The following MAGI3 variants were observed in gnomAD, a reference collection of about 807,000 sequenced individuals.
MAGI3 encodes membrane associated guanylate kinase, WW and PDZ domain containing 3.
Under a neutral mutation model 121.8 loss-of-function variants are expected in MAGI3, and 43 were observed. That is an observed-to-expected ratio of 0.35 (90% confidence interval 0.28 to 0.46). The LOEUF is 0.46. Among genes scored for constraint, MAGI3 ranks in the 20% least tolerant of loss-of-function variants. The pLI is 1.00. For missense variants in MAGI3, 1,547 were observed against 1,797.3 expected, an observed-to-expected ratio of 0.86 and a Z score of 2.52; for synonymous variants, 553 against 639.3, an observed-to-expected ratio of 0.86 and a Z score of 2.04.
At chr1:113,426,582 C>G (rs1216982408) in intron 1 of MAGI3, among the ~76,000 whole-genome samples, 1 of 152,150 alleles carries the variant, frequency 6.6e-6, no homozygotes, top group Admixed American at 6.5e-5. Flanking sequence ...TTATTTGGTA[C>G]ATGCACATTT....
intron 19 of MAGI3, among the ~76,000 whole-genome samples, chr1:113,679,869 C>T (rs914669555): frequency 1.3e-5 from 2 of 152,072 alleles, no homozygotes; most frequent in Non-Finnish European, 2.9e-5. Context: ...CCACACCTGG[C>T]CAATTTTGTA....
chr1:113,560,415 A>G (rs946877379), intron 2 of MAGI3, among the ~76,000 whole-genome samples: 2 of 132,684 alleles, frequency 1.5e-5, no homozygotes, highest in Non-Finnish European at 3.4e-5. Flanking sequence ...AAAAAAAACC[A>G]AAAAAACAAT....
chr1:113,448,607 T>C (rs1654299850), intron 1 of MAGI3, among the ~76,000 whole-genome samples: 1 of 152,222 alleles, frequency 6.6e-6, no homozygotes, highest in Non-Finnish European at 1.5e-5. Context: ...GATTTCTTCC[T>C]GTAGGTAACC....
intron 1 of MAGI3, among the ~76,000 whole-genome samples, chr1:113,416,160 A>ATTATTATGTAATTAATGACACATG: frequency 9.6e-6 from 1 of 104,492 alleles, no homozygotes; most frequent in African/African-American, 3.1e-5. Context: ...AATGACACAT[A>ATTATTATGTAATTAATGACACATG]TTATTATGTA....
At chr1:113,610,220 G>A (rs946781283) in intron 6 of MAGI3, among the ~76,000 whole-genome samples, 1 of 151,886 alleles carries the variant, frequency 6.6e-6, no homozygotes, top group Non-Finnish European at 1.5e-5. Context: ...TGCAAGCTCC[G>A]CCTCCTGGGT....
intron 6 of MAGI3, among the ~76,000 whole-genome samples, chr1:113,600,995 G>T: frequency 6.6e-6 from 1 of 152,152 alleles, no homozygotes; most frequent in Non-Finnish European, 1.5e-5. Flanking sequence ...AATAAATGGT[G>T]CTGGGAAAAC....
chr1:113,594,583 T>C (rs1648883765), intron 6 of MAGI3, 23 bp downstream of exon 6: 1 of 1,570,974 alleles, frequency 6.4e-7, no homozygotes. Context: ...AAACTTACTC[T>C]ATCATACTTA....
intron 1 of MAGI3, among the ~76,000 whole-genome samples, chr1:113,510,191 C>T (rs964153020): frequency 2.6e-5 from 4 of 152,036 alleles, no homozygotes; most frequent in African/African-American, 9.7e-5. Flanking sequence ...AAAAATCAAA[C>T]ATTTGTAAAC....
intron 1 of MAGI3, among the ~76,000 whole-genome samples, chr1:113,405,419 G>T (rs756499609): frequency 2.9e-5 from 4 of 136,304 alleles, no homozygotes; most frequent in Non-Finnish European, 6.1e-5. Context: ...GGTCGAGGCT[G>T]CAGTGAGCCA....
At chr1:113,654,151 T>G (rs1208344974) in intron 15 of MAGI3, 133 bp downstream of exon 15, 1 of 668,916 alleles carries the variant, frequency 1.5e-6, no homozygotes, top group Non-Finnish European at 2.4e-6. Flanking sequence ...TGGTGAATAC[T>G]TTCCTTATTT....
intron 6 of MAGI3, among the ~76,000 whole-genome samples, chr1:113,596,140 A>T (rs1371646565): frequency 1.3e-5 from 2 of 152,316 alleles, no homozygotes; most frequent in African/African-American, 4.8e-5. Context: ...ATAGGGTACC[A>T]GATCTGAAGA....
At chr1:113,472,892 A>C (rs1057444158) in intron 1 of MAGI3, among the ~76,000 whole-genome samples, 1 of 152,218 alleles carries the variant, frequency 6.6e-6, no homozygotes, top group Non-Finnish European at 1.5e-5. Flanking sequence ...TTGATGTCAC[A>C]GTTTACATCT....
In MAGI3 at chr1:113,584,966, C is replaced by CAATTTTTTTTTT. The variant is rs61622151; in HGVS notation, c.554-421_554-420insAATTTTTTTTTT. Among the ~76,000 whole-genome samples, 12 of 110,730 alleles carry CAATTTTTTTTTT rather than the reference C, an allele frequency of 1.1e-4. 3 individuals are homozygous for CAATTTTTTTTTT. Among genetic ancestry groups the CAATTTTTTTTTT allele is most frequent in the Non-Finnish European group, 1.1e-4 (6 of 55,700 alleles). 72.6% of individuals were successfully genotyped at this position (110,730 alleles called of 152,430 possible). On this transcript the variant is annotated intron_variant, in intron 3 of 20. Coordinates refer to ENST00000307546, the MANE Select transcript of MAGI3 (RefSeq NM_001142782.2). ...TCCTTTTGGCCAATGGTAGATATTTCCTTTTTTTTTTTTTTTTTTTTTTGA... is the reference window on the plus strand; with the variant it reads ...TCCTTTTGGCCAATGGTAGATATTTCAATTTTTTTTTTCTTTTTTTTTTTTTTTTTTTTTTGA...
chr1:113,558,542 G>A (rs538070407), intron 2 of MAGI3, among the ~76,000 whole-genome samples: 17 of 151,870 alleles, frequency 1.1e-4, no homozygotes, highest in Admixed American at 1.3e-4. Context: ...CAAAACCTCC[G>A]AGAAATCAGG....
intron 3 of MAGI3, among the ~76,000 whole-genome samples, chr1:113,581,254 A>G (rs572038335): frequency 2.6e-5 from 4 of 152,116 alleles, no homozygotes; most frequent in Middle Eastern, 6.8e-3. Context: ...ACCCTACGCT[A>G]TGGTCCATTA....
chr1:113,593,544 AAATAAT>A (rs930068442), intron 5 of MAGI3, among the ~76,000 whole-genome samples: 16 of 151,914 alleles, frequency 1.1e-4, no homozygotes, highest in African/African-American at 3.6e-4. Context: ...CTCTGTCTCA[AAATAAT>A]AATAATAATA....
At chr1:113,563,092 A>G (rs1435489414) in intron 2 of MAGI3, among the ~76,000 whole-genome samples, 1 of 152,218 alleles carries the variant, frequency 6.6e-6, no homozygotes, top group Non-Finnish European at 1.5e-5. Flanking sequence ...AAGTCAATAT[A>G]TATAGCAATA....
intron 7 of MAGI3, among the ~76,000 whole-genome samples, chr1:113,616,375 C>A (rs933910795): frequency 1.3e-5 from 2 of 152,094 alleles, no homozygotes; most frequent in Admixed American, 1.3e-4. Flanking sequence ...GGCTTGATTC[C>A]CAGATTAGTT....
In MAGI3 at chr1:113,664,922, T is replaced by A. The variant is rs370171826; in HGVS notation, c.2815+5657T>A. ...AGTTTTGTTTTAGAGACTATAAATA[T>A]CTATCTTTTTCTGCCATCTGTATGT... On this transcript the variant is annotated intron_variant, in intron 16 of 20. Transcript: ENST00000307546. 1.1e-4 allele frequency among the ~76,000 whole-genome samples: 17 copies of A among 152,300 alleles called. No individual in the cohort carries two copies. The South Asian group carries it at 3.3e-3, about 30-fold the overall frequency.
Sources: gnomAD v4.1 joint callset for allele counts (sites outside exome capture counted in the v4.1 genomes callset) on GRCh38, gnomAD v4.1.1 for gene constraint, MANE v1.5 for transcripts, NCBI Gene and HGNC (gene_info 2026-07-23, HGNC 2026-07-21) for gene names.